Variants in PCDHGB5 observed in about 807,000 individuals in gnomAD.
PCDHGB5 encodes protocadherin gamma subfamily B, 5.
A neutral mutation model predicts 62.9 loss-of-function variants in PCDHGB5; 48 were observed. That is an observed-to-expected ratio of 0.76 (90% CI 0.61 to 0.97). PCDHGB5 has a LOEUF of 0.97. Among genes scored for constraint, PCDHGB5 ranks in the 50% least tolerant of loss-of-function variants. PCDHGB5 has a pLI of 0.00. For missense variants in PCDHGB5, 1,118 were observed against 1,198.6 expected, an observed-to-expected ratio of 0.93 and a Z score of 0.99; for synonymous variants, 474 against 511.2, an observed-to-expected ratio of 0.93 and a Z score of 0.98.
At position 141,491,834 on chromosome 5, in the gene PCDHGB5, C is replaced by T; in HGVS notation, c.2398-2973C>T. 6 of 1,473,830 alleles carry T rather than the reference C, an allele frequency of 4.1e-6. No homozygotes were observed. The highest frequency in any genetic ancestry group is 5.4e-6 in the Non-Finnish European group (6 of 1,112,366). The allele number at this position is 1,473,830 out of a possible 1,614,324, so 91.3% of individuals were successfully genotyped here. ...CGCTGGCTGCGCTCCACCCGATTCTCGGGATCATTGGACCGTTTGCGCGAA... is the reference window on the plus strand; with the variant it reads ...CGCTGGCTGCGCTCCACCCGATTCTTGGGATCATTGGACCGTTTGCGCGAA... On this transcript the variant is annotated intron_variant, in intron 1 of 3. Transcript: ENST00000617380. This position sits in a 1 kb window ranked among gnomAD's most constrained non-coding sequence, Gnocchi z 6.9.
At chr5:141,422,714 C>T (rs2096666670) in intron 1 of PCDHGB5, 1 of 1,603,720 alleles carries the variant, frequency 6.2e-7, no homozygotes, top group South Asian at 1.1e-5. Flanking sequence ...ACGGATGACA[C>T]TGTCCAGGGG....
At position 141,431,262 on chromosome 5, in the gene PCDHGB5, A is replaced by G. The variant is rs371663018; in HGVS notation, c.2397+30738A>G. The stretch of plus-strand genomic sequence containing the variant: ...CCGGATATCGGGAAGAACTCTCTGC[A>G]GAGCTACGAGCTCAGCCCGAACACT... On this transcript the variant is annotated intron_variant, in intron 1 of 3. Coordinates refer to ENST00000617380, the MANE Select transcript of PCDHGB5 (RefSeq NM_018925.3). The surrounding 1 kb of genome is among the most constrained non-coding windows in gnomAD (Gnocchi z 4.8). The G allele has an allele frequency of 2.6e-5, 42 of 1,614,184 alleles. No homozygotes were observed. In the African/African-American group the frequency reaches 2.7e-4, roughly 10 times the overall value.
At chr5:141,480,652 A>C (rs1488188393) in intron 1 of PCDHGB5, among the ~76,000 whole-genome samples, 4 of 152,220 alleles carry the variant, frequency 2.6e-5, no homozygotes, top group Non-Finnish European at 5.9e-5. Context: ...TTGGTTGCAC[A>C]TTAAAATCAC....
chr5:141,415,350 G>C, intron 1 of PCDHGB5: 1 of 1,614,228 alleles, frequency 6.2e-7, no homozygotes, highest in Non-Finnish European at 8.5e-7. Context: ...GCTGGCACAA[G>C]TCACGCCTGC....
At chr5:141,406,748 A>G (rs180930343) in intron 1 of PCDHGB5, among the ~76,000 whole-genome samples, 80 of 152,312 alleles carry the variant, frequency 5.3e-4, no homozygotes, top group Non-Finnish European at 1.5e-4. Context: ...GTGAAATGAC[A>G]AAACAAGGAA....
intron 1 of PCDHGB5, chr5:141,441,637 C>T (rs1200679247): frequency 4.4e-6 from 1 of 228,574 alleles, no homozygotes; most frequent in South Asian, 4.8e-5. Context: ...GAGCCACAGG[C>T]GCTGTGATTC....
In PCDHGB5 at chr5:141,491,633, C is replaced by T; in HGVS notation, c.2398-3174C>T. Reference sequence around the variant, plus strand: ...CTAAGACCCCTCAGCGTTCAGCAGCCCACAGCTCTGGCGCTGGAGCCTGAC... The same window carrying T: ...CTAAGACCCCTCAGCGTTCAGCAGCTCACAGCTCTGGCGCTGGAGCCTGAC... On this transcript the variant is annotated intron_variant, in intron 1 of 3. Transcript: ENST00000617380. This position sits in a 1 kb window ranked among gnomAD's most constrained non-coding sequence, Gnocchi z 6.9. 2 of 1,613,916 alleles carry T rather than the reference C, an allele frequency of 1.2e-6. No homozygotes were observed.
At chr5:141,451,113 C>T (rs2098707217) in intron 1 of PCDHGB5, among the ~76,000 whole-genome samples, 1 of 152,152 alleles carries the variant, frequency 6.6e-6, no homozygotes. Context: ...CAGGCGTGAG[C>T]CACCACACCC....
intron 1 of PCDHGB5, chr5:141,427,995 G>T (rs1292989797): frequency 6.3e-7 from 1 of 1,599,590 alleles, no homozygotes; most frequent in Non-Finnish European, 8.6e-7. Flanking sequence ...CGATGGCTCC[G>T]CACTCTTCGA....
intron 1 of PCDHGB5, chr5:141,409,922 T>C (rs752487198): frequency 1.2e-6 from 2 of 1,613,182 alleles, no homozygotes; most frequent in African/African-American, 2.7e-5. Context: ...CGGCTCCGCG[T>C]TCTTCGATAT....
At chr5:141,479,620 G>A (rs2099501211) in intron 1 of PCDHGB5, 2 of 152,192 alleles carry the variant, frequency 1.3e-5, no homozygotes, top group African/African-American at 4.8e-5. Context: ...GGGAAACCAT[G>A]TCTCTTTAAC....
chr5:141,429,592 T>C (rs2097226711), intron 1 of PCDHGB5, among the ~76,000 whole-genome samples: 1 of 152,234 alleles, frequency 6.6e-6, no homozygotes, highest in Non-Finnish European at 1.5e-5. Flanking sequence ...ATTCTTGTAA[T>C]TCAAGTAAAC....
At chr5:141,437,040 C>G (rs188070264) in intron 1 of PCDHGB5, among the ~76,000 whole-genome samples, 1 of 152,266 alleles carries the variant, frequency 6.6e-6, no homozygotes, top group African/African-American at 2.4e-5. Flanking sequence ...ATCACCGAAA[C>G]CAGAAGGCTG....
intron 1 of PCDHGB5, chr5:141,413,903 C>T (rs1038159413): frequency 2.5e-6 from 4 of 1,613,308 alleles, no homozygotes; most frequent in Non-Finnish European, 3.4e-6. Flanking sequence ...AATGACAACG[C>T]GCCGGTCTTC....
At chr5:141,403,001 T>C (rs1189114508) in intron 1 of PCDHGB5, 11 of 1,613,878 alleles carry the variant, frequency 6.8e-6, no homozygotes, top group African/African-American at 1.3e-5. Flanking sequence ...AGTCCTGCTA[T>C]GCTCGCTCCT....
chr5:141,399,494 G>A lies in PCDHGB5; in HGVS notation c.1367G>A (p.Ser456Asn). The A allele has an allele frequency of 6.2e-7, 1 of 1,614,032 alleles. No individual in the cohort carries two copies. Among genetic ancestry groups the A allele is most frequent in the Non-Finnish European group, 8.5e-7 (1 of 1,179,900 alleles). ...PVFHQASYLV[S>N]VPENNPPGAS... ...TTCCACCAGGCGTCCTACTTAGTCA[G>A]TGTACCCGAAAACAACCCTCCTGGG... The change falls in exon 1 of 4, where the codon AGT becomes AAT. Residue 456 changes from serine to asparagine, a missense_variant. Ser to Asn is a conservative substitution (Grantham distance 46). This residue lies in a region of PCDHGB5 where 1,034 missense variants were observed against 1,029.1 expected (regional missense o/e 1.00). Transcript: ENST00000617380.
intron 1 of PCDHGB5, chr5:141,418,454 ACTCTG>A (rs2096260396): frequency 3.1e-6 from 5 of 1,613,892 alleles, no homozygotes; most frequent in Non-Finnish European, 4.2e-6. Context: ...ATTGCAGAAG[ACTCTG>A]GACCGAGAAA....
intron 1 of PCDHGB5, among the ~76,000 whole-genome samples, chr5:141,456,379 C>A (rs181915740): frequency 1.3e-5 from 2 of 152,162 alleles, no homozygotes; most frequent in East Asian, 3.9e-4. Context: ...GTTTACAGCA[C>A]CGTTTGGAGT....
intron 1 of PCDHGB5, among the ~76,000 whole-genome samples, chr5:141,438,674 A>C (rs894070572): frequency 1.9e-4 from 25 of 134,850 alleles, no homozygotes; most frequent in Non-Finnish European, 3.1e-4. Context: ...ATATATTTGG[A>C]GTAGGGGATG....
Sources: gnomAD v4.1 joint callset for allele counts (sites outside exome capture counted in the v4.1 genomes callset) on GRCh38, gnomAD v4.1.1 for gene constraint, gnomAD v4.1.1 regional missense constraint, Gnocchi (gnomAD v3.1) non-coding constraint, MANE v1.5 for transcripts, NCBI Gene and HGNC (gene_info 2026-07-23, HGNC 2026-07-21) for gene names.